CTNNA2: variants seen among roughly 807,000 people sequenced by gnomAD.
CTNNA2 encodes the protein catenin alpha-2.
CTNNA2 carries 42 observed loss-of-function variants against 101.0 expected under a neutral mutation model. The ratio of observed to expected loss-of-function variants is 0.42; its 90% CI spans 0.32 to 0.54. The LOEUF is 0.54. Ranked by LOEUF, CTNNA2 falls within the 20% of genes least tolerant of loss-of-function variation. CTNNA2 has a pLI of 0.14. For missense variants in CTNNA2, 871 were observed against 1,223.1 expected (o/e 0.71, Z 4.29); for synonymous variants, 450 against 456.4 (o/e 0.99, Z 0.18).
chr2:79,692,258 CAT>C (rs1230660267), intron 2 of CTNNA2, among the ~76,000 whole-genome samples: 1 of 152,116 alleles, frequency 6.6e-6, no homozygotes. Context: ...AGCCAACAAA[CAT>C]ATGAAACAAA....
At chr2:80,094,488 G>T (rs1459748802) in intron 7 of CTNNA2, among the ~76,000 whole-genome samples, 4 of 152,128 alleles carry the variant, frequency 2.6e-5, no homozygotes, top group Admixed American at 6.5e-5. Context: ...TGGCAATGCG[G>T]GCTCTTTTTT....
chr2:80,229,658 T>A (rs912576024), intron 7 of CTNNA2, among the ~76,000 whole-genome samples: 1 of 152,182 alleles, frequency 6.6e-6, no homozygotes, highest in African/African-American at 2.4e-5. Context: ...GCATGATAGG[T>A]TAAATCCCTG....
intron 4 of CTNNA2, among the ~76,000 whole-genome samples, chr2:79,385,521 T>TTTATTTTATC (rs1162254286): frequency 6.6e-6 from 1 of 152,006 alleles, no homozygotes; most frequent in East Asian, 1.9e-4. Context: ...TTTATTTTAT[T>TTTATTTTATC]TTATTTTGTT....
chr2:80,635,831 T>C (rs1672815312), intron 18 of CTNNA2, among the ~76,000 whole-genome samples: 1 of 152,088 alleles, frequency 6.6e-6, no homozygotes, highest in Non-Finnish European at 1.5e-5. Flanking sequence ...AAAAAGGACC[T>C]GATTGATTGG....
At chr2:80,343,618 C>G (rs1318052343) in intron 7 of CTNNA2, among the ~76,000 whole-genome samples, 5 of 151,968 alleles carry the variant, frequency 3.3e-5, no homozygotes, top group Admixed American at 6.5e-5. Context: ...GGATAAAGGG[C>G]ACAAGGAAAA....
intron 1 of CTNNA2, among the ~76,000 whole-genome samples, chr2:79,527,192 A>G (rs916444802): frequency 6.6e-6 from 1 of 152,086 alleles, no homozygotes; most frequent in African/African-American, 2.4e-5. Flanking sequence ...TAAATTTAAA[A>G]ATGGACAAAG....
rs151255810 is a variant in CTNNA2 at position 79,392,812 on chromosome 2, G to A, written c.-135+18799G>A. On this transcript the variant is annotated intron_variant, in intron 4 of 21. Transcript: ENST00000466387. ...ACTCTTAATGATATCCTATGCAGTA[G>A]GACCTTATTTTTATAATTTTCTGAA... Among the ~76,000 whole-genome samples, 312 of 152,078 alleles carry A rather than the reference G, an allele frequency of 2.1e-3. 2 individuals carry two copies. The highest frequency in any genetic ancestry group is 7.1e-3 in the African/African-American group (295 of 41,500).
intron 4 of CTNNA2, among the ~76,000 whole-genome samples, chr2:79,414,070 C>G (rs1456298815): frequency 6.6e-6 from 1 of 150,922 alleles, no homozygotes; most frequent in Non-Finnish European, 1.5e-5. Flanking sequence ...CATTGACAAC[C>G]AGCATAACTA....
intron 3 of CTNNA2, among the ~76,000 whole-genome samples, chr2:79,822,551 T>A (rs1678093805): frequency 6.6e-6 from 1 of 152,292 alleles, no homozygotes; most frequent in East Asian, 1.9e-4. Flanking sequence ...CTCCTTTGCC[T>A]CTGATTTCTA....
intron 9 of CTNNA2, among the ~76,000 whole-genome samples, chr2:80,511,453 T>A (rs963012906): frequency 6.6e-6 from 1 of 152,198 alleles, no homozygotes; most frequent in African/African-American, 2.4e-5. Flanking sequence ...CTTATACAAC[T>A]TCTATCCCAG....
chr2:80,003,046 G>A (rs1693072061), intron 7 of CTNNA2, among the ~76,000 whole-genome samples: 1 of 152,128 alleles, frequency 6.6e-6, no homozygotes, highest in South Asian at 2.1e-4. Context: ...TGTTTTAAAA[G>A]CCTTACCTGG....
At chr2:80,309,357 G>A (rs538511222) in intron 7 of CTNNA2, among the ~76,000 whole-genome samples, 1 of 152,188 alleles carries the variant, frequency 6.6e-6, no homozygotes, top group South Asian at 2.1e-4. Context: ...CCTCTATAAA[G>A]CAATCCCTTT....
At chr2:79,383,089 T>A (rs999091542) in intron 4 of CTNNA2, among the ~76,000 whole-genome samples, 1 of 152,228 alleles carries the variant, frequency 6.6e-6, no homozygotes, top group African/African-American at 2.4e-5. Context: ...AAAAGTTAGA[T>A]ATCCAATATA....
intron 7 of CTNNA2, among the ~76,000 whole-genome samples, chr2:80,083,469 G>C (rs1389826271): frequency 2.0e-5 from 3 of 152,078 alleles, no homozygotes; most frequent in Non-Finnish European, 4.4e-5. Flanking sequence ...TTTGCCTGCA[G>C]GGGTTAGGAC....
chr2:80,020,624 C>A (rs570210518), intron 7 of CTNNA2, among the ~76,000 whole-genome samples: 1 of 152,256 alleles, frequency 6.6e-6, no homozygotes, highest in East Asian at 1.9e-4. Flanking sequence ...TTAGACTATT[C>A]TTCTATACTA....
chr2:79,548,565 A>G (rs772538986), intron 1 of CTNNA2, among the ~76,000 whole-genome samples: 12 of 152,154 alleles, frequency 7.9e-5, no homozygotes, highest in Admixed American at 2.6e-4. Context: ...AGAGAATCAC[A>G]TCTGTTTGGG....
At chr2:79,921,964 T>A (rs1686686973) in intron 7 of CTNNA2, among the ~76,000 whole-genome samples, 1 of 152,112 alleles carries the variant, frequency 6.6e-6, no homozygotes. Flanking sequence ...TGATAAAATC[T>A]CCAGGGAAAG....
At chr2:79,928,079 TA>T (rs776373237) in intron 7 of CTNNA2, among the ~76,000 whole-genome samples, 1 of 152,248 alleles carries the variant, frequency 6.6e-6, no homozygotes, top group Non-Finnish European at 1.5e-5. Context: ...AGGGGTCATT[TA>T]GCTTTCACAG....
intron 1 of CTNNA2, among the ~76,000 whole-genome samples, chr2:79,514,412 T>C (rs576344469): frequency 1.9e-4 from 29 of 152,318 alleles, no homozygotes; most frequent in African/African-American, 7.0e-4. Context: ...TGCTGTGTGA[T>C]TCTGTTTGTG....
Sources: allele counts gnomAD v4.1 joint callset (sites outside exome capture counted in the v4.1 genomes callset), GRCh38; gene constraint gnomAD v4.1.1; transcripts MANE v1.5; gene names NCBI Gene and HGNC (gene_info 2026-07-23, HGNC 2026-07-21).